PCYT1B: variants seen among roughly 807,000 people sequenced by gnomAD.
PCYT1B encodes phosphate cytidylyltransferase 1B, choline.
A neutral mutation model predicts 26.4 loss-of-function variants in PCYT1B; 10 were observed. The observed-to-expected ratio is 0.38, with a 90% CI of 0.23 to 0.64. The LOEUF is 0.64. PCYT1B is among the 30% of genes least tolerant of loss of function. The probability of loss-of-function intolerance (pLI) is 0.56; values close to 1 mark genes in which losing one functional copy is unlikely to be tolerated. For synonymous variants in PCYT1B, 131 were observed against 108.4 expected (o/e 1.21, Z -1.29); for missense variants, 161 against 292.7 (o/e 0.55, Z 3.28).
chrX:24,604,540 T>A (rs1348856470), intron 3 of PCYT1B, among the ~76,000 whole-genome samples: 1 of 111,942 alleles, frequency 8.9e-6, no homozygotes, highest in Non-Finnish European at 1.9e-5. Context: ...TGCCCATGGT[T>A]GGTGTTTTTC....
chrX:24,614,672 C>A (rs939611185), intron 2 of PCYT1B, among the ~76,000 whole-genome samples: 1 of 112,502 alleles, frequency 8.9e-6, no homozygotes, highest in East Asian at 2.8e-4. Flanking sequence ...ACCCTTGAAA[C>A]CAAACCCTTC....
intron 1 of PCYT1B, among the ~76,000 whole-genome samples, chrX:24,665,801 T>C (rs1163314440): frequency 9.0e-6 from 1 of 110,940 alleles, no homozygotes; most frequent in East Asian, 2.8e-4. Context: ...AGGTAAGATG[T>C]AGTAACCACA....
chrX:24,564,530 T>A (rs1923557183), intron 7 of PCYT1B, among the ~76,000 whole-genome samples: 1 of 110,105 alleles, frequency 9.1e-6, no homozygotes, highest in Admixed American at 9.6e-5. Flanking sequence ...TTTTTTGTAT[T>A]TTTAGTAGAG....
intron 3 of PCYT1B, among the ~76,000 whole-genome samples, chrX:24,602,030 T>TACAAAAACCTCCACATCC (rs1281176828): frequency 3.6e-5 from 4 of 112,502 alleles, no homozygotes; most frequent in Non-Finnish European, 7.5e-5. Context: ...TGTATGTCCA[T>TACAAAAACCTCCACATCC]ACAAAAACCT....
chrX:24,656,129 C>CAAAAAA (rs34397973), intron 1 of PCYT1B, among the ~76,000 whole-genome samples: 1 of 5,921 alleles, frequency 1.7e-4, no homozygotes, highest in Non-Finnish European at 2.5e-4. Flanking sequence ...AACTCCATCT[C>CAAAAAA]AAAAAAAAAA....
At chrX:24,565,144 C>T (rs1923581320) in intron 7 of PCYT1B, among the ~76,000 whole-genome samples, 1 of 110,385 alleles carries the variant, frequency 9.1e-6, no homozygotes, top group South Asian at 4.0e-4. Flanking sequence ...CTGCTGCCTG[C>T]TGCTCAGCCT....
chrX:24,620,595 C>T (rs772315224), intron 1 of PCYT1B, among the ~76,000 whole-genome samples: 2 of 112,274 alleles, frequency 1.8e-5, no homozygotes, highest in Non-Finnish European at 3.8e-5. Flanking sequence ...AGAACAAAAA[C>T]TCTGTATCCA....
intron 1 of PCYT1B, among the ~76,000 whole-genome samples, chrX:24,623,995 A>C (rs61760944): frequency 0.041 from 3,937 of 95,096 alleles, 131 homozygotes; most frequent in Non-Finnish European, 0.065. Context: ...TTTTTGAGAC[A>C]GAGTCTCGCT....
intron 7 of PCYT1B, among the ~76,000 whole-genome samples, chrX:24,563,331 C>A (rs996454215): frequency 2.7e-5 from 3 of 111,729 alleles, no homozygotes; most frequent in Non-Finnish European, 5.6e-5. Flanking sequence ...ACTGAGAAAA[C>A]GCTTCTTGAG....
At chrX:24,611,701 GT>G (rs1169008108) in intron 2 of PCYT1B, among the ~76,000 whole-genome samples, 1 of 111,330 alleles carries the variant, frequency 9.0e-6, no homozygotes, top group Non-Finnish European at 1.9e-5. Context: ...GCCAGGCGTG[GT>G]GGCTCACACT....
At chrX:24,575,015 A>G (rs1490039043) in intron 7 of PCYT1B, 115 bp downstream of exon 7, 1 of 523,198 alleles carries the variant, frequency 1.9e-6, no homozygotes, top group African/African-American at 2.4e-5. Flanking sequence ...GCTGATGCCT[A>G]AAGTAGAGGG....
At chrX:24,663,160 A>C (rs773652109) in intron 1 of PCYT1B, among the ~76,000 whole-genome samples, 2 of 112,194 alleles carry the variant, frequency 1.8e-5, no homozygotes, top group Non-Finnish European at 3.8e-5. Flanking sequence ...AGCTTTCCCT[A>C]ATAAAAAAAA....
At chrX:24,577,041 G>A (rs1231641110) in intron 6 of PCYT1B, among the ~76,000 whole-genome samples, 1 of 111,852 alleles carries the variant, frequency 8.9e-6, no homozygotes, top group Non-Finnish European at 1.9e-5. Flanking sequence ...CAGAATAGCT[G>A]AATGAGCACT....
In PCYT1B at chrX:24,561,896, G is replaced by A. The variant is rs989875782; in HGVS notation, c.*397C>T. On this transcript the variant is annotated 3_prime_UTR_variant, in exon 8 of 8. Coordinates refer to ENST00000379144, the MANE Select transcript of PCYT1B (RefSeq NM_004845.5). ...TGGGGTGGTGGGAGGCAACGTGCAG[G>A]ACCCTTATGGACGCAGAAGTAGCAG... 2.3e-6 allele frequency: 1 copy of A among 440,455 alleles called. No individual in the cohort carries two copies. The highest frequency in any genetic ancestry group is 3.6e-5 in the Admixed American group (1 of 27,762). The allele number at this position is 440,455 out of a possible 1,213,427, so 36.3% of individuals were successfully genotyped here.
chrX:24,665,820 A>AATTT (rs1927116581), intron 1 of PCYT1B, among the ~76,000 whole-genome samples: 5 of 110,857 alleles, frequency 4.5e-5, no homozygotes. Context: ...CATGGAAAAA[A>AATTT]ATTTATGAGG....
chrX:24,664,303 GTTC>G (rs1431590429), intron 1 of PCYT1B, among the ~76,000 whole-genome samples: 6 of 111,537 alleles, frequency 5.4e-5, no homozygotes, highest in Admixed American at 9.5e-5. Context: ...GCCTTTCTTT[GTTC>G]TTCTTACCTA....
At chrX:24,590,842 G>A (rs906525042) in intron 3 of PCYT1B, among the ~76,000 whole-genome samples, 2 of 96,550 alleles carry the variant, frequency 2.1e-5, no homozygotes, top group Non-Finnish European at 4.0e-5. Context: ...CGCCCAGGCT[G>A]GAGTGCAGTG....
At chrX:24,593,511 T>TTTTCTTTCTTTC (rs1350433301) in intron 3 of PCYT1B, among the ~76,000 whole-genome samples, 6 of 84,558 alleles carry the variant, frequency 7.1e-5, no homozygotes, top group Admixed American at 5.9e-4. Context: ...TTTTCTTTTC[T>TTTTCTTTCTTTC]TTTCTTTCTT....
chrX:24,626,766 T>C (rs9698609), intron 1 of PCYT1B, among the ~76,000 whole-genome samples: 324 of 112,172 alleles, frequency 2.9e-3, no homozygotes, highest in African/African-American at 0.01. Flanking sequence ...ATTACTTTCA[T>C]GGTATCTACC....
Sources: gnomAD v4.1 joint callset for allele counts (sites outside exome capture counted in the v4.1 genomes callset) on GRCh38, gnomAD v4.1.1 for gene constraint, MANE v1.5 for transcripts, NCBI Gene and HGNC (gene_info 2026-07-23, HGNC 2026-07-21) for gene names.